Variants in SYNE1 observed in about 807,000 individuals in gnomAD.
SYNE1 encodes spectrin repeat containing nuclear envelope protein 1.
A neutral mutation model predicts 1,111.0 loss-of-function variants in SYNE1; 616 were observed. The ratio of observed to expected loss-of-function variants is 0.55; its 90% confidence interval spans 0.52 to 0.59. The LOEUF (loss-of-function observed/expected upper bound fraction) is 0.59. SYNE1 is among the 20% of genes least tolerant of loss of function. The pLI is 0.00. For missense variants in SYNE1, 10,006 were observed against 10,417.0 expected, an observed-to-expected ratio of 0.96 and a Z score of 1.72; for synonymous variants, 3,855 against 3,825.8, an observed-to-expected ratio of 1.01 and a Z score of -0.28.
At chr6:152,527,016 A>AG (rs1184883431) in intron 4 of SYNE1, among the ~76,000 whole-genome samples, 2 of 152,216 alleles carry the variant, frequency 1.3e-5, no homozygotes, top group African/African-American at 4.8e-5. Context: ...TGGTCAATAG[A>AG]GGGGAGGTGT....
chr6:152,508,773 T>C (rs1051383062), intron 8 of SYNE1, among the ~76,000 whole-genome samples: 1 of 152,226 alleles, frequency 6.6e-6, no homozygotes, highest in Admixed American at 6.5e-5. Context: ...CTTCAGATTC[T>C]AAAGAGCCAC....
intron 3 of SYNE1, among the ~76,000 whole-genome samples, chr6:152,608,968 A>C (rs1041878478): frequency 1.2e-4 from 19 of 152,034 alleles, no homozygotes; most frequent in African/African-American, 4.6e-4. Context: ...AGAGTTAGAC[A>C]AGCTGATTTT....
intron 33 of SYNE1, chr6:152,435,280 T>C (rs1430054447): frequency 2.0e-5 from 3 of 152,144 alleles, no homozygotes; most frequent in Admixed American, 6.6e-5. Context: ...TGTTTAGCCA[T>C]ATTGTTTTGA....
rs150700669 is a variant in SYNE1 at position 152,255,596 on chromosome 6, G to C, written c.19255C>G (p.Gln6419Glu). The C allele has an allele frequency of 2.0e-4, 317 of 1,614,008 alleles. No individual in the cohort carries two copies. The highest frequency in any genetic ancestry group is 2.5e-4 in the Non-Finnish European group (296 of 1,180,030). The change falls in exon 103 of 146, where the codon CAA becomes GAA. Residue 6419 changes from glutamine (Q) to glutamate (E), a missense_variant. Gln to Glu is a conservative substitution (Grantham distance 29). Coordinates refer to ENST00000367255, the MANE Select transcript of SYNE1 (RefSeq NM_182961.4). ...GCAGGAACTACTAAACCTACCTCTT[G>C]GTTGAAGAGACAAGTCTCTGTTTCT... ...PEETETCLFN[Q>E]EILAKDIKEM...
intron 93 of SYNE1, among the ~76,000 whole-genome samples, chr6:152,299,851 G>GA (rs1470960742): frequency 6.6e-6 from 1 of 151,890 alleles, no homozygotes; most frequent in Non-Finnish European, 1.5e-5. Flanking sequence ...CAACTTCTTT[G>GA]AAAAAATGTA....
rs756079906 is a variant in SYNE1 at position 152,373,173 on chromosome 6, A to G, written c.9371T>C (p.Met3124Thr). ...SENGQHKLNMMLSKGELLSTL... is the reference protein window; with the variant it reads ...SENGQHKLNMTLSKGELLSTL... ...ACTCAGAAGTTCCCCTTTAGACAGC[A>G]TCATGTTTAGCTTGTGCTGTCCATT... Residue 3124 changes from methionine to threonine, a missense_variant, in exon 59 of 146, where the codon ATG becomes ACG. Transcript: ENST00000367255. The G allele has an allele frequency of 3.3e-5, 54 of 1,613,904 alleles. No individual in the cohort carries two copies. The highest frequency in any genetic ancestry group is 1.4e-5 in the Non-Finnish European group (17 of 1,180,042).
In SYNE1 at chr6:152,510,249, C is replaced by T; in HGVS notation, c.525G>A (p.Lys175=). 1 of 1,614,114 alleles carries T rather than the reference C, an allele frequency of 6.2e-7. No homozygotes were observed. Among genetic ancestry groups the T allele is most frequent in the Non-Finnish European group, 8.5e-7 (1 of 1,179,992 alleles). The change falls in exon 8 of 146, where the codon AAG becomes AAA. Residue 175 remains lysine (K), a synonymous_variant. Transcript: ENST00000367255. ...SPPSKRKVTT[K]IQGNAKKALL... ...AAGCCTTCTTAGCATTTCCTTGGAT[C>T]TTGGTGGTCACCTTCCGTTTACTTG...
chr6:152,213,961 GAGA>G (rs2078054028), intron 122 of SYNE1, among the ~76,000 whole-genome samples: 1 of 152,182 alleles, frequency 6.6e-6, no homozygotes, highest in Non-Finnish European at 1.5e-5. Context: ...AACACTTTGG[GAGA>G]CTGAGGTGGA....
intron 3 of SYNE1, among the ~76,000 whole-genome samples, chr6:152,586,719 C>A (rs1021092337): frequency 6.6e-6 from 1 of 151,708 alleles, no homozygotes. Context: ...GAATTAAGTG[C>A]AAATTTCATA....
At position 152,520,470 on chromosome 6, in the gene SYNE1, C is replaced by G. The variant is rs187117263; in HGVS notation, c.298G>C (p.Glu100Gln). 6.2e-7 allele frequency: 1 copy of G among 1,613,392 alleles called. No homozygotes were observed. Among genetic ancestry groups the G allele is most frequent in the Non-Finnish European group, 8.5e-7 (1 of 1,179,666 alleles). The change falls in exon 6 of 146, where the codon GAA becomes CAA. Residue 100 changes from glutamate to glutamine, a missense_variant. By Grantham distance (29) the Glu-to-Gln change is conservative (BLOSUM62 2). Coordinates refer to ENST00000367255, the MANE Select transcript of SYNE1 (RefSeq NM_182961.4). ...TGTTTCTCTCTTACCTTTCTTCCTT[C>G]GAGGAACTTGAGTGCCGTGCCAATG... Reference protein sequence around the residue: ...ANIGTALKFLEGRKIKLVNIN... With the variant: ...ANIGTALKFLQGRKIKLVNIN...
intron 95 of SYNE1, among the ~76,000 whole-genome samples, chr6:152,291,711 T>C (rs1280448609): frequency 1.3e-5 from 2 of 152,034 alleles, no homozygotes; most frequent in African/African-American, 4.8e-5. Flanking sequence ...TGATGGGTCT[T>C]TGGCAATTGT....
At chr6:152,471,111 G>A (rs900799757) in intron 16 of SYNE1, among the ~76,000 whole-genome samples, 4 of 151,976 alleles carry the variant, frequency 2.6e-5, no homozygotes, top group Non-Finnish European at 5.9e-5. Context: ...CACACAAGAG[G>A]CAATGAAGCC....
chr6:152,530,563 T>C (rs577530083), intron 4 of SYNE1, among the ~76,000 whole-genome samples: 3 of 151,786 alleles, frequency 2.0e-5, no homozygotes, highest in African/African-American at 7.3e-5. Context: ...AAACAAAAAA[T>C]TCCAGAAAGA....
At chr6:152,420,500 A>T (rs1178676325) in intron 39 of SYNE1, among the ~76,000 whole-genome samples, 1 of 152,158 alleles carries the variant, frequency 6.6e-6, no homozygotes, top group Admixed American at 6.5e-5. Flanking sequence ...CACACCTGTA[A>T]TCCCAGCTAC....
At chr6:152,363,673 G>T (rs2096991227) in intron 63 of SYNE1, 4 of 453,394 alleles carry the variant, frequency 8.8e-6, no homozygotes, top group East Asian at 7.0e-5. Flanking sequence ...GCACAGTCCA[G>T]TTGGACTTCT....
At chr6:152,314,919 G>C (rs370441916) in intron 87 of SYNE1, among the ~76,000 whole-genome samples, 59,075 of 127,476 alleles carry the variant, frequency 0.46, 13,621 homozygotes, top group Admixed American at 0.57. Context: ...TCACTGCAAT[G>C]ATGACGAGGT....
chr6:152,207,530 A>G (rs2076739921), intron 125 of SYNE1, among the ~76,000 whole-genome samples: 1 of 152,206 alleles, frequency 6.6e-6, no homozygotes, highest in Admixed American at 6.5e-5. Flanking sequence ...GATAGGAGAT[A>G]TCTCTCTAAG....
At position 152,331,788 on chromosome 6, in the gene SYNE1, C is replaced by G; in HGVS notation, c.12897G>C (p.Lys4299Asn). The G allele has an allele frequency of 6.2e-7, 1 of 1,614,176 alleles. No individual in the cohort carries two copies. The highest frequency in any genetic ancestry group is 8.5e-7 in the Non-Finnish European group (1 of 1,180,034). ...KYAIEDLKDQ[K>N]QKMIEHLNLD... Reference sequence around the variant, plus strand: ...AATTCAGATGCTCTATCATTTTCTGCTTTTGATCTTTCAGATCTTCAATAG... The same window carrying G: ...AATTCAGATGCTCTATCATTTTCTGGTTTTGATCTTTCAGATCTTCAATAG... The change falls in exon 78 of 146, where the codon AAG becomes AAC. Residue 4299 changes from lysine (K) to asparagine (N), a missense_variant. This residue lies in a region of SYNE1 where 4,955 missense variants were observed against 5,017.2 expected (regional missense o/e 0.99). Coordinates refer to ENST00000367255, the MANE Select transcript of SYNE1 (RefSeq NM_182961.4).
At chr6:152,219,867 T>C (rs2079703079) in intron 119 of SYNE1, among the ~76,000 whole-genome samples, 1 of 152,214 alleles carries the variant, frequency 6.6e-6, no homozygotes, top group South Asian at 2.1e-4. Flanking sequence ...TTCTGCTTTC[T>C]ATCCTATCAT....
Sources: gnomAD v4.1 joint callset for allele counts (sites outside exome capture counted in the v4.1 genomes callset) on GRCh38, gnomAD v4.1.1 for gene constraint, gnomAD v4.1.1 regional missense constraint, MANE v1.5 for transcripts, NCBI Gene and HGNC (gene_info 2026-07-23, HGNC 2026-07-21) for gene names.